KCNAB1: variants seen among roughly 807,000 people sequenced by gnomAD.
KCNAB1 encodes potassium voltage-gated channel subfamily A regulatory beta subunit 1.
KCNAB1 carries 35 observed loss-of-function variants against 64.6 expected under a neutral mutation model. The observed-to-expected ratio is 0.54, with a 90% CI of 0.41 to 0.72. The LOEUF (loss-of-function observed/expected upper bound fraction) is 0.72, where lower values mean the gene tolerates loss of function less well. Among genes scored for constraint, KCNAB1 ranks in the 30% least tolerant of loss-of-function variants. The pLI is 0.00. For synonymous variants in KCNAB1, 177 were observed against 183.8 expected (o/e 0.96, Z 0.30); for missense variants, 401 against 512.9 (o/e 0.78, Z 2.11).
At chr3:156,486,328 C>T (rs1317939983) in intron 8 of KCNAB1, among the ~76,000 whole-genome samples, 3 of 152,106 alleles carry the variant, frequency 2.0e-5, no homozygotes, top group Non-Finnish European at 4.4e-5. Context: ...GAGCTCCTCA[C>T]TGGCTTCAAA....
intron 1 of KCNAB1, among the ~76,000 whole-genome samples, chr3:156,203,719 G>T (rs1429086260): frequency 1.3e-5 from 2 of 152,154 alleles, no homozygotes; most frequent in African/African-American, 4.8e-5. Flanking sequence ...TGCTGCCAAA[G>T]ATATATTCTT....
intron 1 of KCNAB1, among the ~76,000 whole-genome samples, chr3:156,223,560 A>C (rs939632670): frequency 6.6e-6 from 1 of 152,210 alleles, no homozygotes; most frequent in African/African-American, 2.4e-5. Context: ...AGCTAGACAC[A>C]GGGTGCTGAT....
chr3:156,227,544 T>C (rs550595382), intron 1 of KCNAB1: 5 of 152,352 alleles, frequency 3.3e-5, no homozygotes, highest in African/African-American at 9.6e-5. Context: ...TTCTCTTGTT[T>C]GATTCAACAA....
At chr3:156,475,776 T>C (rs1714295726) in intron 8 of KCNAB1, among the ~76,000 whole-genome samples, 1 of 152,340 alleles carries the variant, frequency 6.6e-6, no homozygotes, top group South Asian at 2.1e-4. Context: ...AGAAGGGTTA[T>C]AGTAATGGAA....
At chr3:156,509,824 T>C (rs1461101115) in intron 8 of KCNAB1, among the ~76,000 whole-genome samples, 1 of 152,254 alleles carries the variant, frequency 6.6e-6, no homozygotes, top group Non-Finnish European at 1.5e-5. Context: ...AGGAGGCTTT[T>C]AAAAGGCATC....
chr3:156,403,640 A>G (rs1000882604), intron 1 of KCNAB1, among the ~76,000 whole-genome samples: 7 of 152,156 alleles, frequency 4.6e-5, no homozygotes, highest in South Asian at 2.1e-4. Flanking sequence ...CACACCTGTA[A>G]TTCCAGCATT....
At chr3:156,124,345 T>C (rs1226952636) in intron 1 of KCNAB1, among the ~76,000 whole-genome samples, 1 of 151,934 alleles carries the variant, frequency 6.6e-6, no homozygotes, top group African/African-American at 2.4e-5. Flanking sequence ...GACTCCCAAG[T>C]AGCTAGGATT....
chr3:156,180,014 TTCTC>T (rs1712701359), intron 1 of KCNAB1, among the ~76,000 whole-genome samples: 1 of 152,210 alleles, frequency 6.6e-6, no homozygotes, highest in African/African-American at 2.4e-5. Flanking sequence ...ACCCAAGTAA[TTCTC>T]TCAGCAGGCT....
rs1453925852 is a variant in KCNAB1, at chr3:156,395,543, TCAAAAAAAAAAAA to T, written c.276-26072_276-26060del. Among the ~76,000 whole-genome samples, 5 of 8,450 alleles carry T rather than the reference TCAAAAAAAAAAAA, an allele frequency of 5.9e-4. No homozygotes were observed. In the East Asian group the frequency reaches 0.02, roughly 33 times the overall value. The allele number at this position is 8,450 out of a possible 152,430, so 5.5% of individuals were successfully genotyped here. A position where few individuals can be genotyped will look rare whatever the true frequency, so the allele number is the denominator to read the frequency against. On this transcript the variant is annotated intron_variant, in intron 1 of 13. Coordinates refer to ENST00000490337, the MANE Select transcript of KCNAB1 (RefSeq NM_172160.3). ...CTGGGCGACAGAGCGAGACTCCGTCTCAAAAAAAAAAAAAAAAAAAAAAAAAAAAAAAAAAAAA... is the reference window on the plus strand; with the variant it reads ...CTGGGCGACAGAGCGAGACTCCGTCTAAAAAAAAAAAAAAAAAAAAAAAAA...
intron 1 of KCNAB1, among the ~76,000 whole-genome samples, chr3:156,325,991 A>G: frequency 6.6e-6 from 1 of 152,162 alleles, no homozygotes; most frequent in East Asian, 1.9e-4. Context: ...AGGACTCCAA[A>G]GAAAATAATC....
chr3:156,270,539 C>A (rs932808796), intron 1 of KCNAB1, among the ~76,000 whole-genome samples: 1 of 151,944 alleles, frequency 6.6e-6, no homozygotes, highest in African/African-American at 2.4e-5. Context: ...AATTTAACTT[C>A]GATTGTATAA....
At chr3:156,285,073 G>C (rs924524528) in intron 1 of KCNAB1, among the ~76,000 whole-genome samples, 1 of 152,166 alleles carries the variant, frequency 6.6e-6, no homozygotes, top group Non-Finnish European at 1.5e-5. Context: ...GGCAGCGTGA[G>C]TTTAAAAAGA....
intron 1 of KCNAB1, among the ~76,000 whole-genome samples, chr3:156,207,555 T>C (rs1467280444): frequency 6.6e-6 from 1 of 152,228 alleles, no homozygotes; most frequent in Non-Finnish European, 1.5e-5. Flanking sequence ...AAGTGATACA[T>C]GTATATTTCA....
intron 2 of KCNAB1, among the ~76,000 whole-genome samples, chr3:156,434,578 G>A (rs1011082513): frequency 6.6e-6 from 1 of 152,034 alleles, no homozygotes; most frequent in African/African-American, 2.4e-5. Context: ...CAAAGTTTCT[G>A]AGATTGGGTG....
intron 2 of KCNAB1, chr3:156,446,748 T>C (rs1230418853): frequency 6.6e-6 from 1 of 152,356 alleles, no homozygotes; most frequent in African/African-American, 2.4e-5. Flanking sequence ...CCATCCTCAC[T>C]ACCACCACCT....
At chr3:156,235,778 G>A (rs911310887) in intron 1 of KCNAB1, among the ~76,000 whole-genome samples, 12 of 152,192 alleles carry the variant, frequency 7.9e-5, no homozygotes, top group Non-Finnish European at 1.3e-4. Context: ...TTTCTGGAGG[G>A]ACAATCCTTG....
intron 1 of KCNAB1, among the ~76,000 whole-genome samples, chr3:156,218,801 A>AAAAAAAAT (rs371264941): frequency 5.3e-5 from 6 of 112,218 alleles, no homozygotes; most frequent in South Asian, 3.0e-4. Context: ...AAAAAAAAAA[A>AAAAAAAAT]AATAATAATA....
intron 1 of KCNAB1, among the ~76,000 whole-genome samples, chr3:156,396,378 A>C (rs958473471): frequency 6.6e-5 from 10 of 152,224 alleles, no homozygotes; most frequent in African/African-American, 2.4e-4. Flanking sequence ...GCAAAATATT[A>C]ATATCCAACA....
intron 1 of KCNAB1, among the ~76,000 whole-genome samples, chr3:156,407,801 A>T (rs1714352357): frequency 6.6e-6 from 1 of 152,244 alleles, no homozygotes; most frequent in Admixed American, 6.5e-5. Flanking sequence ...TCCTATCTGC[A>T]ATCAGCAGAG....
Sources: gnomAD v4.1 joint callset for allele counts (sites outside exome capture counted in the v4.1 genomes callset) on GRCh38, gnomAD v4.1.1 for gene constraint, MANE v1.5 for transcripts, NCBI Gene and HGNC (gene_info 2026-07-23, HGNC 2026-07-21) for gene names.